Variants in TTC39C observed in about 807,000 individuals in gnomAD.
TTC39C encodes tetratricopeptide repeat protein 39C.
TTC39C carries 33 observed loss-of-function variants against 76.3 expected under a neutral mutation model. That is an observed-to-expected ratio of 0.43 (90% CI 0.33 to 0.58). The LOEUF is 0.58. TTC39C is among the 20% of genes least tolerant of loss of function. The pLI is 0.04. For missense variants in TTC39C, 595 were observed against 701.4 expected, an observed-to-expected ratio of 0.85 and a Z score of 1.71; for synonymous variants, 254 against 260.6, an observed-to-expected ratio of 0.97 and a Z score of 0.24.
chr18:24,093,276 G>A (rs964386709), intron 6 of TTC39C, among the ~76,000 whole-genome samples: 3 of 152,070 alleles, frequency 2.0e-5, no homozygotes, highest in Admixed American at 6.5e-5. Flanking sequence ...TCAGGAGATC[G>A]AGACCATCCT....
chr18:24,092,644 A>G (rs1423750741), intron 6 of TTC39C, among the ~76,000 whole-genome samples: 1 of 152,248 alleles, frequency 6.6e-6, no homozygotes, highest in Non-Finnish European at 1.5e-5. Context: ...CATATACTAT[A>G]TGATTCCATT....
intron 6 of TTC39C, among the ~76,000 whole-genome samples, chr18:24,098,488 CTCCTCTCCTATCCTCTCCT>C: frequency 9.5e-6 from 1 of 104,874 alleles, no homozygotes; most frequent in African/African-American, 4.9e-5. Context: ...TCCCTTCCCT[CTCCTCTCCTATCCTCTCCT>C]CTCCCCTCCC....
intron 1 of TTC39C, among the ~76,000 whole-genome samples, chr18:24,004,960 T>C: frequency 6.6e-6 from 1 of 152,214 alleles, no homozygotes; most frequent in East Asian, 1.9e-4. Flanking sequence ...CTAATTTTGC[T>C]GAATTAGATC....
intron 6 of TTC39C, among the ~76,000 whole-genome samples, chr18:24,112,678 A>G (rs368890725): frequency 1.1e-4 from 17 of 152,022 alleles, no homozygotes; most frequent in African/African-American, 3.9e-4. Context: ...ACTGTCATGT[A>G]CCATGGGGGA....
chr18:24,125,353 A>C, intron 9 of TTC39C, 74 bp from the exon 10 acceptor site: 1 of 1,574,082 alleles, frequency 6.4e-7, no homozygotes, highest in Non-Finnish European at 8.7e-7. Context: ...GTGTGCTTTT[A>C]AAGTGTCTGA....
At chr18:24,057,791 A>T (rs2084035507) in intron 1 of TTC39C, among the ~76,000 whole-genome samples, 1 of 152,168 alleles carries the variant, frequency 6.6e-6, no homozygotes, top group South Asian at 2.1e-4. Flanking sequence ...TTACTGGTTT[A>T]CCCAGTAATC....
intron 1 of TTC39C, among the ~76,000 whole-genome samples, chr18:24,000,129 A>G (rs2083300947): frequency 6.6e-6 from 1 of 152,162 alleles, no homozygotes; most frequent in Admixed American, 6.5e-5. Flanking sequence ...ATGCCTCCAA[A>G]GAGCACAGGG....
At chr18:24,044,782 T>C (rs1384376877) in intron 1 of TTC39C, among the ~76,000 whole-genome samples, 2 of 152,218 alleles carry the variant, frequency 1.3e-5, no homozygotes, top group African/African-American at 2.4e-5. Context: ...TAGGAAGATA[T>C]TAGCAGTGTC....
intron 1 of TTC39C, among the ~76,000 whole-genome samples, chr18:24,023,490 ACT>A (rs1056586252): frequency 2.0e-5 from 3 of 152,168 alleles, no homozygotes; most frequent in African/African-American, 4.8e-5. Context: ...GGGCATTGTA[ACT>A]CTGGATGGCT....
chr18:24,123,960 T>C lies in TTC39C; in HGVS notation c.1296+17T>C. 6.4e-7 allele frequency: 1 copy of C among 1,571,350 alleles called. No homozygotes were observed. Among genetic ancestry groups the C allele is most frequent in the Non-Finnish European group, 8.7e-7 (1 of 1,151,308 alleles). ...GTGAAAAAGGTATGTTGGAGCCTAT[T>C]GATCTGGTGTATTACTTATGATGGG... is the stretch of plus-strand genomic sequence containing the variant. On this transcript the variant is annotated intron_variant, in intron 9 of 13. Coordinates refer to ENST00000317571, the MANE Select transcript of TTC39C (RefSeq NM_001135993.2).
Position 24,059,565 on chromosome 18 carries a change from A to G in TTC39C, c.168-4575A>G, listed in dbSNP as rs548083386. On this transcript the variant is annotated intron_variant, in intron 1 of 13. Transcript: ENST00000317571. ...TGATCTTGTTCCTTTTTATGGTTGC[A>G]TAGTATTCAATGGTATACATATACC... Among the ~76,000 whole-genome samples the G allele has an allele frequency of 2.6e-5, 4 of 152,340 alleles. No individual in the cohort carries two copies. In the East Asian group the frequency reaches 5.8e-4, roughly 22 times the overall value.
chr18:24,107,077 G>T (rs1314488888), intron 6 of TTC39C, among the ~76,000 whole-genome samples: 2 of 152,178 alleles, frequency 1.3e-5, no homozygotes. Flanking sequence ...TCTAGACGTG[G>T]AATCTTTTGC....
chr18:23,994,737 G>A (rs1287566304), intron 1 of TTC39C, among the ~76,000 whole-genome samples: 2 of 152,160 alleles, frequency 1.3e-5, no homozygotes, highest in Non-Finnish European at 2.9e-5. Context: ...CAGATGAAAT[G>A]CTAGCAGCAG....
chr18:24,113,924 G>A (rs947366106), intron 6 of TTC39C: 3 of 505,366 alleles, frequency 5.9e-6, no homozygotes, highest in Non-Finnish European at 1.1e-5. Context: ...AATTTCTGAA[G>A]TGTCGGGAGA....
intron 6 of TTC39C, among the ~76,000 whole-genome samples, chr18:24,089,830 C>A (rs9948691): frequency 0.26 from 39,516 of 151,814 alleles, 6,219 homozygotes; most frequent in African/African-American, 0.44. Flanking sequence ...GCTGAATTGC[C>A]TGTAAGTAAG....
At chr18:24,009,340 C>G (rs1233159269) in intron 1 of TTC39C, among the ~76,000 whole-genome samples, 2 of 152,214 alleles carry the variant, frequency 1.3e-5, no homozygotes, top group African/African-American at 4.8e-5. Context: ...CTACTTTCCT[C>G]TCCAGGGACT....
intron 1 of TTC39C, among the ~76,000 whole-genome samples, chr18:24,027,617 TG>T (rs1445050919): frequency 6.6e-6 from 1 of 151,562 alleles, no homozygotes; most frequent in Non-Finnish European, 1.5e-5. Context: ...TGCAGTGCCG[TG>T]GCATGATCAT....
intron 6 of TTC39C, among the ~76,000 whole-genome samples, chr18:24,112,978 G>A (rs1362481062): frequency 6.6e-6 from 1 of 151,952 alleles, no homozygotes; most frequent in Non-Finnish European, 1.5e-5. Context: ...TAACCTTGGT[G>A]TTTTGTGTTT....
At chr18:24,084,765 G>A (rs749072561) in intron 6 of TTC39C, among the ~76,000 whole-genome samples, 3 of 152,070 alleles carry the variant, frequency 2.0e-5, no homozygotes, top group South Asian at 4.1e-4. Flanking sequence ...AGGCTCAAGC[G>A]ATCCTCCGAC....
Sources: gnomAD v4.1 joint callset for allele counts (sites outside exome capture counted in the v4.1 genomes callset) on GRCh38, gnomAD v4.1.1 for gene constraint, MANE v1.5 for transcripts, NCBI Gene and HGNC (gene_info 2026-07-23, HGNC 2026-07-21) for gene names.